Variants in B4GALT5 observed in about 807,000 individuals in gnomAD.
B4GALT5 encodes the protein beta-1,4-galactosyltransferase 5.
A neutral mutation model predicts 45.0 loss-of-function variants in B4GALT5; 11 were observed. That is an observed-to-expected ratio of 0.24 (90% confidence interval 0.15 to 0.40). The LOEUF (loss-of-function observed/expected upper bound fraction) is 0.40. B4GALT5 is among the 10% of genes least tolerant of loss of function. The pLI, the probability that B4GALT5 is intolerant of heterozygous loss-of-function variation, is 1.00. For synonymous variants in B4GALT5, 185 were observed against 182.9 expected, an observed-to-expected ratio of 1.01 and a Z score of -0.09; for missense variants, 337 against 500.2, an observed-to-expected ratio of 0.67 and a Z score of 3.11.
chr20:49,689,537 T>C (rs1285205357), intron 1 of B4GALT5, among the ~76,000 whole-genome samples: 1 of 152,232 alleles, frequency 6.6e-6, no homozygotes, highest in Non-Finnish European at 1.5e-5. Flanking sequence ...GATTTTACAG[T>C]GAACTCCCAT....
At chr20:49,678,259 C>T (rs2052361242) in intron 1 of B4GALT5, among the ~76,000 whole-genome samples, 1 of 152,228 alleles carries the variant, frequency 6.6e-6, no homozygotes, top group South Asian at 2.1e-4. Flanking sequence ...TGAAGGTCAA[C>T]TTGGTTACTA....
chr20:49,702,596 T>G (rs1165072872), intron 1 of B4GALT5, among the ~76,000 whole-genome samples: 2 of 152,174 alleles, frequency 1.3e-5, no homozygotes, highest in African/African-American at 4.8e-5. Flanking sequence ...GGCTCATGCC[T>G]GTAATCCCAG....
At chr20:49,699,020 G>A (rs1052137892) in intron 1 of B4GALT5, among the ~76,000 whole-genome samples, 1 of 152,078 alleles carries the variant, frequency 6.6e-6, no homozygotes, top group African/African-American at 2.4e-5. Context: ...CTGGCAAGCA[G>A]ATTCAAGACA....
chr20:49,699,859 G>A (rs192608852), intron 1 of B4GALT5, among the ~76,000 whole-genome samples: 65 of 152,240 alleles, frequency 4.3e-4, no homozygotes, highest in South Asian at 1.0e-3. Context: ...ATAGGACAAA[G>A]GACAGAACTT....
intron 5 of B4GALT5, among the ~76,000 whole-genome samples, chr20:49,640,889 A>C (rs947313509): frequency 6.6e-6 from 1 of 152,064 alleles, no homozygotes; most frequent in Non-Finnish European, 1.5e-5. Context: ...TTGGAAAACC[A>C]AGGTGGGCGG....
intron 1 of B4GALT5, among the ~76,000 whole-genome samples, chr20:49,672,681 C>A (rs529746303): frequency 2.6e-5 from 4 of 152,080 alleles, no homozygotes; most frequent in African/African-American, 7.2e-5. Flanking sequence ...TACAAAGGCA[C>A]GTTGGAAGAG....
At chr20:49,668,224 C>T (rs892554511) in intron 1 of B4GALT5, among the ~76,000 whole-genome samples, 1 of 152,004 alleles carries the variant, frequency 6.6e-6, no homozygotes, top group Non-Finnish European at 1.5e-5. Flanking sequence ...CTATTCCTAG[C>T]TATTAAAAAA....
At chr20:49,709,241 C>T (rs1195809705) in intron 1 of B4GALT5, among the ~76,000 whole-genome samples, 3 of 151,932 alleles carry the variant, frequency 2.0e-5, no homozygotes, top group Non-Finnish European at 2.9e-5. Context: ...CTGCAGAACC[C>T]TGAAGGGAAT....
intron 1 of B4GALT5, among the ~76,000 whole-genome samples, chr20:49,663,079 C>T (rs574529859): frequency 6.6e-6 from 1 of 152,284 alleles, no homozygotes; most frequent in East Asian, 1.9e-4. Context: ...ATCTCTCACA[C>T]TTTATGTGAC....
chr20:49,713,489 G>GC (rs1389385434), intron 1 of B4GALT5, 87 bp downstream of exon 1: 1 of 1,384,824 alleles, frequency 7.2e-7, no homozygotes, highest in Admixed American at 2.1e-5. Flanking sequence ...CCGCCTCCCG[G>GC]CCGGGGCCCC....
At chr20:49,638,883 C>T (rs1424415400) in intron 7 of B4GALT5, among the ~76,000 whole-genome samples, 2 of 152,118 alleles carry the variant, frequency 1.3e-5, no homozygotes, top group Non-Finnish European at 2.9e-5. Flanking sequence ...AATTACAGTA[C>T]ATCTATATAA....
At position 49,634,357 on chromosome 20, in the gene B4GALT5, T is replaced by A. The variant is rs566479278; in HGVS notation, c.*1955A>T. 1.4e-4 allele frequency: 21 copies of A among 152,400 alleles called. No individual in the cohort carries two copies. Among genetic ancestry groups the A allele is most frequent in the African/African-American group, 4.3e-4 (18 of 41,416 alleles). The allele number at this position is 152,400 out of a possible 1,614,324, so 9.4% of individuals were successfully genotyped here. A position where few individuals can be genotyped will look rare whatever the true frequency, so the allele number is the denominator to read the frequency against. ...ATGTAAACTATGAAAATCAAGGAAG[T>A]TGAAGGCAAACAAGGCAATTAAAAA... is the stretch of plus-strand genomic sequence containing the variant. On this transcript the variant is annotated 3_prime_UTR_variant, in exon 9 of 9. Coordinates refer to ENST00000371711, the MANE Select transcript of B4GALT5 (RefSeq NM_004776.4).
chr20:49,641,362 G>C (rs766217986), intron 5 of B4GALT5, among the ~76,000 whole-genome samples: 7 of 152,208 alleles, frequency 4.6e-5, no homozygotes, highest in Non-Finnish European at 7.3e-5. Context: ...CTAGTACAAA[G>C]AGTGGTTTTT....
Position 49,674,457 on chromosome 20 carries a change from T to G in B4GALT5, c.116-17755A>C, listed in dbSNP as rs571038364. 6.6e-5 allele frequency among the ~76,000 whole-genome samples: 10 copies of G among 152,086 alleles called. 2 individuals carry two copies. Among genetic ancestry groups the G allele is most frequent in the African/African-American group, 2.4e-4 (10 of 41,488 alleles). ...AGTCTTTGGAATCAAGAACTGCATTTAGGGTCGGGTGTGGTGGCTCATGCC... is the reference window on the plus strand; with the variant it reads ...AGTCTTTGGAATCAAGAACTGCATTGAGGGTCGGGTGTGGTGGCTCATGCC... On this transcript the variant is annotated intron_variant, in intron 1 of 8. Transcript: ENST00000371711.
At chr20:49,645,297 G>A (rs564000057) in intron 3 of B4GALT5, among the ~76,000 whole-genome samples, 1 of 152,240 alleles carries the variant, frequency 6.6e-6, no homozygotes, top group East Asian at 1.9e-4. Flanking sequence ...ATTTTCACCA[G>A]TGACGGATGG....
At chr20:49,662,657 C>T (rs958250949) in intron 1 of B4GALT5, among the ~76,000 whole-genome samples, 1 of 152,164 alleles carries the variant, frequency 6.6e-6, no homozygotes, top group African/African-American at 2.4e-5. Context: ...CTAACCTGTT[C>T]CTAAGAAAAG....
At position 49,643,582 on chromosome 20, in the gene B4GALT5, G is replaced by C; in HGVS notation, c.433C>G (p.Pro145Ala). The C allele has an allele frequency of 1.2e-6, 2 of 1,613,950 alleles. No homozygotes were observed. Among genetic ancestry groups the C allele is most frequent in the Non-Finnish European group, 1.7e-6 (2 of 1,179,968 alleles). ...DYIHELFSKD[P>A]TIKLGGHWKP... ...CAGTGACCTCCGAGCTTGATGGTTG[G>C]GTCTTTGGAGAAGAGTTCATGAATG... The change falls in exon 4 of 9, where the codon CCA becomes GCA. Residue 145 changes from proline to alanine, a missense_variant. Physicochemically the swap from Pro to Ala is conservative, Grantham distance 27. This residue lies in a region of B4GALT5 where 174 missense variants were observed against 207.4 expected (regional missense o/e 0.84). Transcript: ENST00000371711.
chr20:49,682,540 G>A (rs116799941), intron 1 of B4GALT5, among the ~76,000 whole-genome samples: 1,967 of 152,208 alleles, frequency 0.013, 37 homozygotes, highest in African/African-American at 0.045. Context: ...TCTTGGCAGC[G>A]CTGCCCAGAC....
At chr20:49,701,008 C>A (rs559640273) in intron 1 of B4GALT5, among the ~76,000 whole-genome samples, 1 of 152,268 alleles carries the variant, frequency 6.6e-6, no homozygotes, top group East Asian at 1.9e-4. Flanking sequence ...TTAAACACAT[C>A]TGTCCAGAAA....
Sources: allele counts gnomAD v4.1 joint callset (sites outside exome capture counted in the v4.1 genomes callset), GRCh38; gene constraint gnomAD v4.1.1; regional missense constraint gnomAD v4.1.1; transcripts MANE v1.5; gene names NCBI Gene and HGNC (gene_info 2026-07-23, HGNC 2026-07-21).